The following NEK11 variants were observed in gnomAD, a reference collection of about 807,000 sequenced individuals.
The protein encoded by NEK11 is NIMA related kinase 11.
Under a neutral mutation model 80.7 loss-of-function variants are expected in NEK11, and 72 were observed. The ratio of observed to expected loss-of-function variants is 0.89; its 90% CI spans 0.74 to 1.08. The LOEUF (loss-of-function observed/expected upper bound fraction) is 1.08. NEK11 is among the 50% of genes least tolerant of loss of function. The pLI, the probability that NEK11 is intolerant of heterozygous loss-of-function variation, is 0.00. For missense variants in NEK11, 764 were observed against 763.6 expected, an observed-to-expected ratio of 1.00 and a Z score of -0.01; for synonymous variants, 251 against 260.7, an observed-to-expected ratio of 0.96 and a Z score of 0.36.
intron 3 of NEK11, among the ~76,000 whole-genome samples, chr3:131,062,540 A>C (rs544243816): frequency 6.6e-6 from 1 of 152,350 alleles, no homozygotes; most frequent in African/African-American, 2.4e-5. Context: ...AATATAGAAC[A>C]TTCCTACACC....
At chr3:131,203,765 GTGTATATATATATATATA>G (rs1469979154) in intron 14 of NEK11, among the ~76,000 whole-genome samples, 103 of 104,284 alleles carry the variant, frequency 9.9e-4, no homozygotes, top group African/African-American at 4.0e-3. Flanking sequence ...GTGTGTGTGT[GTGTATATATATATATATA>G]TATATATATA....
intron 14 of NEK11, among the ~76,000 whole-genome samples, chr3:131,217,980 G>A (rs961843315): frequency 6.6e-6 from 1 of 152,160 alleles, no homozygotes; most frequent in African/African-American, 2.4e-5. Context: ...AGATGTAATT[G>A]ATATCTGACA....
intron 5 of NEK11, among the ~76,000 whole-genome samples, chr3:131,121,333 A>C (rs1411251967): frequency 6.6e-6 from 1 of 152,138 alleles, no homozygotes; most frequent in Non-Finnish European, 1.5e-5. Context: ...TTGCTGCCTG[A>C]TCCTTCCTCT....
intron 14 of NEK11, among the ~76,000 whole-genome samples, chr3:131,178,837 G>A (rs1221982704): frequency 6.6e-6 from 1 of 152,134 alleles, no homozygotes; most frequent in African/African-American, 2.4e-5. Context: ...TGCGTCACTA[G>A]GTAATAGGAA....
At chr3:131,172,393 T>G (rs2092746433) in intron 14 of NEK11, among the ~76,000 whole-genome samples, 1 of 152,198 alleles carries the variant, frequency 6.6e-6, no homozygotes, top group South Asian at 2.1e-4. Context: ...CTCACCAGAT[T>G]TGCACTTGAA....
chr3:131,062,154 C>T (rs938261102), intron 3 of NEK11, among the ~76,000 whole-genome samples: 3 of 152,180 alleles, frequency 2.0e-5, no homozygotes, highest in Admixed American at 2.0e-4. Context: ...ACAACATTCC[C>T]TATACCAAGG....
chr3:131,148,928 A>G (rs2089029617), intron 7 of NEK11, among the ~76,000 whole-genome samples: 1 of 151,978 alleles, frequency 6.6e-6, no homozygotes. Context: ...ACAATGCATA[A>G]TGATCAAATC....
intron 17 of NEK11, among the ~76,000 whole-genome samples, chr3:131,318,729 G>A (rs933898549): frequency 7.6e-6 from 1 of 131,332 alleles, no homozygotes; most frequent in Non-Finnish European, 1.7e-5. Context: ...TAGTATGCGT[G>A]TGTACATGTG....
At chr3:131,119,545 G>T (rs1031389249) in intron 5 of NEK11, among the ~76,000 whole-genome samples, 7 of 152,118 alleles carry the variant, frequency 4.6e-5, no homozygotes, top group African/African-American at 1.7e-4. Flanking sequence ...CTGTCTTGTT[G>T]TTCTGCCTAA....
chr3:131,163,951 T>C (rs2091936315), intron 11 of NEK11, among the ~76,000 whole-genome samples: 1 of 152,324 alleles, frequency 6.6e-6, no homozygotes, highest in Non-Finnish European at 1.5e-5. Context: ...GCCAATATTT[T>C]GGTAGTTTAG....
chr3:131,195,815 T>TATATATATATATATATATAA (rs1305832619), intron 14 of NEK11, among the ~76,000 whole-genome samples: 7 of 146,798 alleles, frequency 4.8e-5, no homozygotes, highest in African/African-American at 1.5e-4. Context: ...TATATATATA[T>TATATATATATATATATATAA]ATATAAAATT....
chr3:131,110,446 C>G (rs7641174), intron 5 of NEK11, among the ~76,000 whole-genome samples: 138,376 of 152,176 alleles, frequency 0.91, 63,431 homozygotes, highest in Non-Finnish European at 0.95. Flanking sequence ...TGAAGTATCT[C>G]ATAATGAAGG....
intron 3 of NEK11, among the ~76,000 whole-genome samples, chr3:131,043,776 A>C (rs1051290442): frequency 6.6e-6 from 1 of 152,132 alleles, no homozygotes; most frequent in Non-Finnish European, 1.5e-5. Context: ...CTGCAAAGAT[A>C]CTCCTCAAGA....
At chr3:131,061,361 G>A (rs1378427830) in intron 3 of NEK11, among the ~76,000 whole-genome samples, 1 of 152,174 alleles carries the variant, frequency 6.6e-6, no homozygotes, top group Non-Finnish European at 1.5e-5. Context: ...ACAGAAGGAA[G>A]TCTTGCATTG....
At chr3:131,094,097 T>C (rs61470059) in intron 4 of NEK11, among the ~76,000 whole-genome samples, 31,379 of 149,262 alleles carry the variant, frequency 0.21, 3,628 homozygotes, top group African/African-American at 0.31. Context: ...AGTTGAGATA[T>C]AGGGATCCAA....
intron 16 of NEK11, among the ~76,000 whole-genome samples, chr3:131,246,313 C>T (rs1477913486): frequency 6.6e-6 from 1 of 152,090 alleles, no homozygotes; most frequent in African/African-American, 2.4e-5. Context: ...GCCTTTGTGT[C>T]CTCATAGCTT....
At chr3:131,322,831 C>T (rs2096910964) in intron 17 of NEK11, among the ~76,000 whole-genome samples, 1 of 152,202 alleles carries the variant, frequency 6.6e-6, no homozygotes, top group Admixed American at 6.5e-5. Context: ...CCCCGCTCCC[C>T]TTCATTGTCC....
chr3:131,247,647 A>ATAGTTCTG (rs1368602235), intron 16 of NEK11, among the ~76,000 whole-genome samples: 2 of 151,818 alleles, frequency 1.3e-5, no homozygotes, highest in African/African-American at 4.8e-5. Context: ...GTTTCTTTTT[A>ATAGTTCTG]TAGTTCTGTG....
chr3:131,093,697 C>A (rs1006768182), intron 4 of NEK11, among the ~76,000 whole-genome samples: 1 of 151,980 alleles, frequency 6.6e-6, no homozygotes, highest in African/African-American at 2.4e-5. Flanking sequence ...TGAGCCACTG[C>A]GCTTAGCCCA....
Sources: gnomAD v4.1 joint callset for allele counts (sites outside exome capture counted in the v4.1 genomes callset) on GRCh38, gnomAD v4.1.1 for gene constraint, MANE v1.5 for transcripts, NCBI Gene and HGNC (gene_info 2026-07-23, HGNC 2026-07-21) for gene names.